The following ARFIP2 variants were observed in gnomAD, a reference collection of about 807,000 sequenced individuals.
ARFIP2 encodes the protein arfaptin-2.
A neutral mutation model predicts 39.2 loss-of-function variants in ARFIP2; 14 were observed. That is an observed-to-expected ratio of 0.36 (90% CI 0.24 to 0.56). The LOEUF (loss-of-function observed/expected upper bound fraction) is 0.56, where lower values mean the gene tolerates loss of function less well. Ranked by LOEUF, ARFIP2 falls within the 20% of genes least tolerant of loss-of-function variation. The pLI is 0.85. For synonymous variants in ARFIP2, 167 were observed against 172.4 expected (o/e 0.97, Z 0.24); for missense variants, 305 against 422.5 (o/e 0.72, Z 2.44).
At position 6,477,382 on chromosome 11, in the gene ARFIP2, T is replaced by C. The variant is rs1347183980; in HGVS notation, c.871-114A>G. ...CAAGGACTCTGCTCTGATGGTGCTTTTGGGGTAGGGGCTGAACTCTACCCA... is the reference window on the plus strand; with the variant it reads ...CAAGGACTCTGCTCTGATGGTGCTTCTGGGGTAGGGGCTGAACTCTACCCA... On this transcript the variant is annotated intron_variant, in intron 7 of 7. Coordinates refer to ENST00000396777, the MANE Select transcript of ARFIP2 (RefSeq NM_001376558.2). The surrounding 1 kb of genome is among the most constrained non-coding windows in gnomAD (Gnocchi z 4.8). The C allele has an allele frequency of 3.9e-6, 5 of 1,279,144 alleles. No individual in the cohort carries two copies. Among genetic ancestry groups the C allele is most frequent in the Non-Finnish European group, 5.3e-6 (5 of 942,988 alleles). The allele number at this position is 1,279,144 out of a possible 1,614,324, so 79.2% of individuals were successfully genotyped here. A position where few individuals can be genotyped will look rare whatever the true frequency, so the allele number is the denominator to read the frequency against.
At chr11:6,479,023 C>G in intron 4 of ARFIP2, 64 bp from the exon 5 acceptor site, 1 of 1,578,736 alleles carries the variant, frequency 6.3e-7, no homozygotes, top group Non-Finnish European at 8.7e-7. Context: ...CAGGTATCTA[C>G]CCCAGCACCC....
rs1416835345 is a variant in ARFIP2 at position 6,478,837 on chromosome 11, C to G, written c.438G>C (p.Leu146=). Residue 146 remains leucine, a synonymous_variant, in exon 5 of 8, where the codon CTG becomes CTC. Transcript: ENST00000396777. The surrounding 1 kb of genome is among the most constrained non-coding windows in gnomAD (Gnocchi z 4.8). ...AGAGGTGGGCTGTCAGTGCCCGGCC[C>G]AGCTGCAGGACACTCTCATACTTGC... ...TKRKYESVLQ[L]GRALTAHLYS... 2 of 1,614,066 alleles carry G rather than the reference C, an allele frequency of 1.2e-6. No homozygotes were observed. The highest frequency in any genetic ancestry group is 2.2e-5 in the South Asian group (2 of 91,082).
Position 6,478,349 on chromosome 11 carries a change from A to C in ARFIP2, c.538-151T>G, listed in dbSNP as rs986291026. On this transcript the variant is annotated intron_variant, in intron 5 of 7. Coordinates refer to ENST00000396777, the MANE Select transcript of ARFIP2 (RefSeq NM_001376558.2). The surrounding 1 kb of genome is among the most constrained non-coding windows in gnomAD (Gnocchi z 4.8). ...CTCCAGCAAGGCTCTCTTAGCCGGA[A>C]AGTTAGTGGGATCACCCTGGGGATA... is the stretch of plus-strand genomic sequence containing the variant. 2 of 1,113,514 alleles carry C rather than the reference A, an allele frequency of 1.8e-6. No individual in the cohort carries two copies. Among genetic ancestry groups the C allele is most frequent in the African/African-American group, 3.1e-5 (2 of 64,102 alleles). 69.0% of individuals were successfully genotyped at this position (1,113,514 alleles called of 1,614,324 possible). A position where few individuals can be genotyped will look rare whatever the true frequency, so the allele number is the denominator to read the frequency against.
chr11:6,480,771 A>G (rs1427574095), intron 1 of ARFIP2: 2 of 214,276 alleles, frequency 9.3e-6, no homozygotes, highest in Admixed American at 1.0e-4. Flanking sequence ...TGAAAATACA[A>G]CAGTGAAGAG....
intron 2 of ARFIP2, 35 bp downstream of exon 2, chr11:6,480,288 A>G: frequency 6.3e-7 from 1 of 1,593,976 alleles, no homozygotes. Context: ...TTGGATTCCT[A>G]AATTGAAACA....
rs187516655 is a variant in ARFIP2, at chr11:6,479,660, G to A, written c.196+312C>T. 156 of 530,908 alleles carry A rather than the reference G, an allele frequency of 2.9e-4. No homozygotes were observed. In the East Asian group the frequency reaches 4.6e-3, roughly 16 times the overall value. The allele number at this position is 530,908 out of a possible 1,614,324, so 32.9% of individuals were successfully genotyped here. A position where few individuals can be genotyped will look rare whatever the true frequency, so the allele number is the denominator to read the frequency against. Reference sequence around the variant, plus strand: ...AAACTTTAGAATCTAAAAATTCTGAGAAGCTTCACAAAGTTCCAACTCAGC... The same window carrying A: ...AAACTTTAGAATCTAAAAATTCTGAAAAGCTTCACAAAGTTCCAACTCAGC... On this transcript the variant is annotated intron_variant, in intron 3 of 7. Transcript: ENST00000396777.
Position 6,478,213 on chromosome 11 carries a change from GA to G in ARFIP2, c.538-16del. ...CCAAATTCCTCCTGAGGGCAGAAGG[GA>G]GGAACAGACCTTGAATAACACTCCC... On this transcript the variant is annotated splice_polypyrimidine_tract_variant and intron_variant, in intron 5 of 7. Transcript: ENST00000396777. The surrounding 1 kb of genome is among the most constrained non-coding windows in gnomAD (Gnocchi z 4.8). The G allele has an allele frequency of 6.2e-7, 1 of 1,613,870 alleles. No homozygotes were observed.
chr11:6,479,419 G>C, intron 3 of ARFIP2, 161 bp from the exon 4 acceptor site: 2 of 1,471,960 alleles, frequency 1.4e-6, no homozygotes, highest in Non-Finnish European at 1.8e-6. Flanking sequence ...CGGACTTTGC[G>C]CGGTGAGAAC....
Position 6,478,270 on chromosome 11 carries a change from C to T in ARFIP2, c.538-72G>A. The T allele has an allele frequency of 1.3e-6, 2 of 1,562,696 alleles. No homozygotes were observed. The highest frequency in any genetic ancestry group is 4.5e-5 in the East Asian group (2 of 44,328). On this transcript the variant is annotated intron_variant, in intron 5 of 7. Transcript: ENST00000396777. The surrounding 1 kb of genome is among the most constrained non-coding windows in gnomAD (Gnocchi z 4.8). ...GACTGAAGCTGTAGAGCCCTTCATT[C>T]CCCTCCTCCCCGGGGAGGACACAGC...
chr11:6,478,218 A>C lies in ARFIP2; in HGVS notation c.538-20T>G. On this transcript the variant is annotated intron_variant, in intron 5 of 7. Transcript: ENST00000396777. This position sits in a 1 kb window ranked among gnomAD's most constrained non-coding sequence, Gnocchi z 4.8. ...TTCCTCCTGAGGGCAGAAGGGAGGA[A>C]CAGACCTTGAATAACACTCCCTACC... is the stretch of plus-strand genomic sequence containing the variant. 6.2e-7 allele frequency: 1 copy of C among 1,613,722 alleles called. No homozygotes were observed. Among genetic ancestry groups the C allele is most frequent in the South Asian group, 1.1e-5 (1 of 91,070 alleles).
In ARFIP2 at chr11:6,478,882, C is replaced by A. The variant is rs545040068; in HGVS notation, c.393G>T (p.Glu131Asp). The A allele has an allele frequency of 6.2e-7, 1 of 1,614,198 alleles. No homozygotes were observed. Among genetic ancestry groups the A allele is most frequent in the South Asian group, 1.1e-5 (1 of 91,084 alleles). Reference protein sequence around the residue: ...TVDLELELQIELLRETKRKYE... With the variant: ...TVDLELELQIDLLRETKRKYE... The stretch of plus-strand genomic sequence containing the variant: ...ACTTGCGCTTCGTCTCACGCAGCAA[C>A]TCAATCTGCAGCTCTAGCTCCAGGT... The change falls in exon 5 of 8, where the codon GAG becomes GAT. Residue 131 changes from glutamate (E) to aspartate (D), a missense_variant. Physicochemically the swap from Glu to Asp is conservative, Grantham distance 45 (BLOSUM62 2). Transcript: ENST00000396777. The surrounding 1 kb of genome is among the most constrained non-coding windows in gnomAD (Gnocchi z 4.8).
chr11:6,477,785 T>C lies in ARFIP2; in HGVS notation c.803A>G (p.His268Arg). 6.2e-7 allele frequency: 1 copy of C among 1,614,022 alleles called. No individual in the cohort carries two copies. The highest frequency in any genetic ancestry group is 8.5e-7 in the Non-Finnish European group (1 of 1,179,964). ...CCGCAGCTTCTCATACTTGTCCCGA[T>C]GGGCCTGGAAAGTGGCCTGGGCACT... ...LESAQATFQAHRDKYEKLRGD... is the reference protein window; with the variant it reads ...LESAQATFQARRDKYEKLRGD... Residue 268 changes from histidine (H) to arginine (R), a missense_variant, in exon 7 of 8, where the codon CAT (histidine) becomes CGT (arginine). This residue lies in a region of ARFIP2 where 112 missense variants were observed against 118.2 expected (regional missense o/e 0.95). Coordinates refer to ENST00000396777, the MANE Select transcript of ARFIP2 (RefSeq NM_001376558.2). The surrounding 1 kb of genome is among the most constrained non-coding windows in gnomAD (Gnocchi z 4.8).
In ARFIP2 at chr11:6,477,765, G is replaced by A; in HGVS notation, c.823C>T (p.Leu275=). 1 of 1,613,952 alleles carries A rather than the reference G, an allele frequency of 6.2e-7. No individual in the cohort carries two copies. The highest frequency in any genetic ancestry group is 2.2e-5 in the East Asian group (1 of 44,866). Residue 275 remains leucine, a synonymous_variant, in exon 7 of 8, where the codon CTG becomes TTG. Transcript: ENST00000396777. This position sits in a 1 kb window ranked among gnomAD's most constrained non-coding sequence, Gnocchi z 4.8. ...FQAHRDKYEK[L]RGDVAIKLKF... is the part of the protein sequence containing the mutation. ...AGCTTGATGGCCACATCTCCCCGCAGCTTCTCATACTTGTCCCGATGGGCC... is the reference window on the plus strand; with the variant it reads ...AGCTTGATGGCCACATCTCCCCGCAACTTCTCATACTTGTCCCGATGGGCC...
intron 1 of ARFIP2, 104 bp downstream of exon 1, chr11:6,481,127 T>G (rs1164694691): frequency 3.0e-6 from 1 of 335,626 alleles, no homozygotes; most frequent in Non-Finnish European, 5.6e-6. Context: ...CCCATACACC[T>G]GGACATCAGG....
intron 1 of ARFIP2, 29 bp from the exon 2 acceptor site, chr11:6,480,492 C>T: frequency 8.5e-7 from 1 of 1,170,842 alleles, no homozygotes; most frequent in Non-Finnish European, 1.2e-6. Flanking sequence ...AAGTTCTGGA[C>T]ACTGGCCAGC....
rs955116813 is a variant in ARFIP2 at position 6,478,546 on chromosome 11, C to G, written c.537+192G>C. 2.3e-5 allele frequency: 33 copies of G among 1,431,258 alleles called. No homozygotes were observed. Among genetic ancestry groups the G allele is most frequent in the Admixed American group, 2.8e-5 (1 of 35,092 alleles). 88.7% of individuals were successfully genotyped at this position (1,431,258 alleles called of 1,614,324 possible). A position where few individuals can be genotyped will look rare whatever the true frequency, so the allele number is the denominator to read the frequency against. ...GAGGCACCTAGTGTGCCCCCTCCCC[C>G]ACCCCCTCCAACTTCTGGACCTCTG... On this transcript the variant is annotated intron_variant, in intron 5 of 7. Transcript: ENST00000396777. The surrounding 1 kb of genome is among the most constrained non-coding windows in gnomAD (Gnocchi z 4.8).
chr11:6,481,288 G>C lies in ARFIP2; in HGVS notation c.-100C>G, dbSNP rs547334824. The C allele has an allele frequency of 6.1e-6, 4 of 660,850 alleles. No homozygotes were observed. Among genetic ancestry groups the C allele is most frequent in the Non-Finnish European group, 1.0e-5 (4 of 393,602 alleles). The allele number at this position is 660,850 out of a possible 1,614,324, so 40.9% of individuals were successfully genotyped here. On this transcript the variant is annotated 5_prime_UTR_variant, in exon 1 of 8. Transcript: ENST00000396777. ...CAGGCCCGGGCCGCGCGGGGACCTC[G>C]GGCTCCAGTTCCCGTCGCGATCCTA...
At chr11:6,479,375 G>C in intron 3 of ARFIP2, 117 bp from the exon 4 acceptor site, 2 of 1,599,570 alleles carry the variant, frequency 1.3e-6, no homozygotes, top group Non-Finnish European at 1.7e-6. Context: ...AGATGCTAGA[G>C]ACAACTGGAT....
intron 1 of ARFIP2, 25 bp downstream of exon 1, chr11:6,481,202 TTCCC>T (rs1851733481): frequency 3.1e-5 from 17 of 549,368 alleles, no homozygotes; most frequent in Non-Finnish European, 5.2e-5. Context: ...TGCGTTCAAC[TTCCC>T]GTCGCCCAAG....
Sources: gnomAD v4.1 joint callset for allele counts on GRCh38, gnomAD v4.1.1 for gene constraint, gnomAD v4.1.1 regional missense constraint, Gnocchi (gnomAD v3.1) non-coding constraint, MANE v1.5 for transcripts, NCBI Gene and HGNC (gene_info 2026-07-23, HGNC 2026-07-21) for gene names.